FHIT: variants seen among roughly 807,000 people sequenced by gnomAD.
The protein encoded by FHIT is fragile histidine triad diadenosine triphosphatase.
Under a neutral mutation model 17.9 loss-of-function variants are expected in FHIT, and 19 were observed. That is an observed-to-expected ratio of 1.06 (90% CI 0.74 to 1.56). The LOEUF is 1.56. FHIT is among the 40% of genes most tolerant of loss of function. The probability of loss-of-function intolerance (pLI) is 0.00; values close to 1 mark genes in which losing one functional copy is unlikely to be tolerated. For missense variants in FHIT, 248 were observed against 189.2 expected, an observed-to-expected ratio of 1.31 and a Z score of -1.82; for synonymous variants, 81 against 69.7, an observed-to-expected ratio of 1.16 and a Z score of -0.81.
At chr3:59,783,804 A>G (rs1013391377) in intron 8 of FHIT, among the ~76,000 whole-genome samples, 1 of 152,160 alleles carries the variant, frequency 6.6e-6, no homozygotes, top group South Asian at 2.1e-4. Context: ...CCACCAGTGA[A>G]AAACCAATGT....
rs72884588 is a variant in FHIT at position 60,807,313 on chromosome 3, G to C, written c.-18+14606C>G. Among the ~76,000 whole-genome samples the C allele has an allele frequency of 5.7e-3, 859 of 151,736 alleles. 9 individuals carry two copies. The highest frequency in any genetic ancestry group is 0.02 in the African/African-American group (814 of 41,324). On this transcript the variant is annotated intron_variant, in intron 4 of 9. Transcript: ENST00000492590. ...TAATAACTAGAATCCTGTTTAAAAG[G>C]AATGTACTAAAATATTTTCTAGGCT...
At chr3:59,752,796 T>C (rs1408746607) in intron 8 of FHIT, among the ~76,000 whole-genome samples, 2 of 152,130 alleles carry the variant, frequency 1.3e-5, no homozygotes, top group African/African-American at 2.4e-5. Context: ...TCCGCCATGA[T>C]TGAAAGGTTC....
chr3:61,142,087 G>A lies in FHIT; in HGVS notation c.-164+58530C>T, dbSNP rs77116472. Among the ~76,000 whole-genome samples, 554 of 151,134 alleles carry A rather than the reference G, an allele frequency of 3.7e-3. 5 individuals carry two copies. The highest frequency in any genetic ancestry group is 0.012 in the African/African-American group (499 of 41,422). On this transcript the variant is annotated intron_variant, in intron 2 of 9. Coordinates refer to ENST00000492590, the MANE Select transcript of FHIT (RefSeq NM_002012.4). The stretch of plus-strand genomic sequence containing the variant: ...TTGCTTTTTACAGAAATGGCTCATG[G>A]AGATATTATCTTAAAATGCTTTCTC...
chr3:61,037,441 G>T (rs1394083123), intron 3 of FHIT, among the ~76,000 whole-genome samples: 1 of 152,048 alleles, frequency 6.6e-6, no homozygotes, highest in Non-Finnish European at 1.5e-5. Context: ...GATATTAGAT[G>T]GTACATGAGT....
intron 5 of FHIT, among the ~76,000 whole-genome samples, chr3:60,019,652 A>T (rs1700479446): frequency 1.3e-5 from 2 of 152,144 alleles, no homozygotes. Flanking sequence ...TCCCGACCTT[A>T]GGTGATCCAC....
Position 59,953,533 on chromosome 3 carries a change from A to T in FHIT, c.280-31119T>A, listed in dbSNP as rs539189808. Among the ~76,000 whole-genome samples, 23 of 152,312 alleles carry T rather than the reference A, an allele frequency of 1.5e-4. 1 individual carries two copies. Among genetic ancestry groups the T allele is most frequent in the African/African-American group, 5.1e-4 (21 of 41,562 alleles). On this transcript the variant is annotated intron_variant, in intron 7 of 9. Transcript: ENST00000492590. ...TACCTTGGTCGAAACACTTGCAGAC[A>T]TATCTTTAGCAAGGTATCTTTCCTC...
intron 5 of FHIT, among the ~76,000 whole-genome samples, chr3:60,054,583 C>G (rs576174876): frequency 6.6e-6 from 1 of 152,260 alleles, no homozygotes; most frequent in African/African-American, 2.4e-5. Flanking sequence ...CTCTTAACAG[C>G]AGCGCATTAT....
intron 5 of FHIT, among the ~76,000 whole-genome samples, chr3:60,443,106 T>A (rs1274644640): frequency 6.6e-6 from 1 of 152,188 alleles, no homozygotes; most frequent in African/African-American, 2.4e-5. Flanking sequence ...ATGCTTGTGA[T>A]TTTTGTACAT....
At chr3:59,797,719 T>C (rs1699833102) in intron 8 of FHIT, among the ~76,000 whole-genome samples, 1 of 152,162 alleles carries the variant, frequency 6.6e-6, no homozygotes, top group African/African-American at 2.4e-5. Context: ...AAACCATTAT[T>C]GCTGACAGTG....
At chr3:60,485,037 C>A (rs1228201659) in intron 5 of FHIT, among the ~76,000 whole-genome samples, 4 of 152,056 alleles carry the variant, frequency 2.6e-5, no homozygotes, top group Non-Finnish European at 5.9e-5. Flanking sequence ...ACATAACCAA[C>A]AAACATATGA....
intron 5 of FHIT, among the ~76,000 whole-genome samples, chr3:60,221,159 C>T (rs1241701337): frequency 2.6e-5 from 4 of 152,128 alleles, no homozygotes; most frequent in African/African-American, 7.2e-5. Flanking sequence ...AAATGGAAAG[C>T]AAAATATCTC....
intron 6 of FHIT, among the ~76,000 whole-genome samples, chr3:60,013,541 C>G (rs147532550): frequency 3.3e-5 from 5 of 152,254 alleles, no homozygotes; most frequent in Non-Finnish European, 7.4e-5. Context: ...CACACCCAAC[C>G]AGTGAATCTA....
chr3:60,335,857 T>A (rs754534893), intron 5 of FHIT, among the ~76,000 whole-genome samples: 27 of 152,144 alleles, frequency 1.8e-4, no homozygotes, highest in Non-Finnish European at 3.5e-4. Flanking sequence ...TTAAAAAAAA[T>A]GGTATGCTCC....
chr3:59,900,754 C>T (rs1446763144), intron 8 of FHIT, among the ~76,000 whole-genome samples: 1 of 152,178 alleles, frequency 6.6e-6, no homozygotes, highest in African/African-American at 2.4e-5. Flanking sequence ...ACTGTGATTA[C>T]AGGCACCCAC....
intron 3 of FHIT, among the ~76,000 whole-genome samples, chr3:60,960,063 GTT>G (rs144453734): frequency 6.8e-6 from 1 of 148,034 alleles, no homozygotes; most frequent in Non-Finnish European, 1.5e-5. Flanking sequence ...TTTTGGGGCA[GTT>G]TTTTTTTTAC....
intron 7 of FHIT, among the ~76,000 whole-genome samples, chr3:59,946,283 A>G (rs4679623): frequency 0.048 from 7,242 of 152,196 alleles, 410 homozygotes; most frequent in African/African-American, 0.13. Flanking sequence ...GTGTTTGACT[A>G]TTGTGAATGG....
chr3:61,049,971 T>A (rs1015475334), intron 2 of FHIT, among the ~76,000 whole-genome samples: 1 of 151,938 alleles, frequency 6.6e-6, no homozygotes, highest in Non-Finnish European at 1.5e-5. Context: ...CTAAGTTCCC[T>A]CCCCCAGTTT....
chr3:60,622,301 C>T (rs1479277503), intron 4 of FHIT, among the ~76,000 whole-genome samples: 2 of 151,946 alleles, frequency 1.3e-5, no homozygotes, highest in African/African-American at 2.4e-5. Flanking sequence ...ACCATGTTTC[C>T]ATTTGCCCCT....
intron 3 of FHIT, among the ~76,000 whole-genome samples, chr3:60,856,953 C>T (rs1157886907): frequency 6.6e-6 from 1 of 152,138 alleles, no homozygotes; most frequent in African/African-American, 2.4e-5. Context: ...ATGCCCCACT[C>T]CAAAACCAGG....
Sources: allele counts gnomAD v4.1 joint callset (sites outside exome capture counted in the v4.1 genomes callset), GRCh38; gene constraint gnomAD v4.1.1; transcripts MANE v1.5; gene names NCBI Gene and HGNC (gene_info 2026-07-23, HGNC 2026-07-21).